Variants in STAM observed in about 807,000 individuals in gnomAD.
The protein encoded by STAM is signal transducing adapter molecule 1.
In STAM, 16 loss-of-function variants were observed where a neutral mutation model predicts 63.4. The ratio of observed to expected loss-of-function variants is 0.25; its 90% confidence interval spans 0.17 to 0.38. The LOEUF is 0.38. STAM is among the 10% of genes least tolerant of loss of function. The pLI is 1.00. For missense variants in STAM, 636 were observed against 657.1 expected (o/e 0.97, Z 0.35); for synonymous variants, 238 against 223.9 (o/e 1.06, Z -0.56).
At chr10:17,699,459 G>T (rs1239319966) in intron 8 of STAM, among the ~76,000 whole-genome samples, 2 of 152,176 alleles carry the variant, frequency 1.3e-5, no homozygotes, top group Non-Finnish European at 2.9e-5. Context: ...GTATTTGGAG[G>T]TTGTTATATA....
chr10:17,680,365 C>G (rs1467542913), intron 2 of STAM, among the ~76,000 whole-genome samples: 1 of 151,936 alleles, frequency 6.6e-6, no homozygotes, highest in Non-Finnish European at 1.5e-5. Context: ...CGCTGCTCCC[C>G]AGGCCCCCTG....
chr10:17,706,578 G>A (rs545429837), intron 12 of STAM, among the ~76,000 whole-genome samples: 14 of 151,726 alleles, frequency 9.2e-5, no homozygotes, highest in Middle Eastern at 6.8e-3. Context: ...ACGGGGTTTC[G>A]CCGTGTTAGC....
intron 2 of STAM, among the ~76,000 whole-genome samples, chr10:17,674,891 AC>A (rs1834782027): frequency 6.6e-6 from 1 of 152,222 alleles, no homozygotes; most frequent in African/African-American, 2.4e-5. Flanking sequence ...ATTCTAATAA[AC>A]AAAATTATAA....
chr10:17,688,676 T>C (rs1835402365), intron 5 of STAM, among the ~76,000 whole-genome samples: 1 of 151,966 alleles, frequency 6.6e-6, no homozygotes, highest in African/African-American at 2.4e-5. Context: ...TTGGCCAGGC[T>C]GGTTTCGAAC....
chr10:17,714,659 C>A lies in STAM; in HGVS notation c.1502C>A (p.Ala501Glu). The change falls in exon 14 of 14, where the codon GCA (alanine) becomes GAA (glutamate). Residue 501 changes from alanine to glutamate, a missense_variant. Coordinates refer to ENST00000377524, the MANE Select transcript of STAM (RefSeq NM_003473.4). ...GCCGATGTCACTCTGTACCAGAATGCAGGACCTAATATGCCCCAGGTGCCA... is the reference window on the plus strand; with the variant it reads ...GCCGATGTCACTCTGTACCAGAATGAAGGACCTAATATGCCCCAGGTGCCA... ...ATADVTLYQN[A>E]GPNMPQVPNY... 1 of 1,614,150 alleles carries A rather than the reference C, an allele frequency of 6.2e-7. No individual in the cohort carries two copies. The highest frequency in any genetic ancestry group is 8.5e-7 in the Non-Finnish European group (1 of 1,180,036).
In STAM at chr10:17,714,573, A is replaced by G. The variant is rs2131711774; in HGVS notation, c.1416A>G (p.Thr472=). The G allele has an allele frequency of 6.2e-7, 1 of 1,614,156 alleles. No individual in the cohort carries two copies. Among genetic ancestry groups the G allele is most frequent in the Non-Finnish European group, 8.5e-7 (1 of 1,180,038 alleles). Residue 472 remains threonine, a synonymous_variant, in exon 14 of 14, where the codon ACA becomes ACG. Transcript: ENST00000377524. ...NTMVSSVQGN[T]YPSQAPVYSP... ...TGGTCAGTTCCGTTCAAGGAAACAC[A>G]TATCCCAGCCAGGCGCCAGTATATA...
At chr10:17,688,693 C>G (rs996327239) in intron 5 of STAM, among the ~76,000 whole-genome samples, 2 of 151,830 alleles carry the variant, frequency 1.3e-5, no homozygotes, top group Non-Finnish European at 2.9e-5. Flanking sequence ...GAACTCCTGA[C>G]CTCAGGTGTT....
chr10:17,697,341 T>C (rs1835805762), intron 8 of STAM, among the ~76,000 whole-genome samples: 1 of 152,250 alleles, frequency 6.6e-6, no homozygotes, highest in South Asian at 2.1e-4. Flanking sequence ...TTGATTACAG[T>C]GTGACAAGTA....
In STAM at chr10:17,702,958, A is replaced by C. The variant is rs535034826; in HGVS notation, c.913-1473A>C. Among the ~76,000 whole-genome samples the C allele has an allele frequency of 2.0e-5, 3 of 146,948 alleles. No individual in the cohort carries two copies. The South Asian group carries it at 6.7e-4, about 33-fold the overall frequency. ...GGGAGGCGGAAGGTCGTAGTGAGCC[A>C]AGATCATGCCACTGCACTCCAGCCT... On this transcript the variant is annotated intron_variant, in intron 9 of 13. Coordinates refer to ENST00000377524, the MANE Select transcript of STAM (RefSeq NM_003473.4).
At chr10:17,684,448 G>T (rs896550951) in intron 2 of STAM, among the ~76,000 whole-genome samples, 1 of 151,348 alleles carries the variant, frequency 6.6e-6, no homozygotes, top group African/African-American at 2.4e-5. Context: ...CCCAGAATTA[G>T]CCTGAAATGC....
chr10:17,715,122 A>C lies in STAM; in HGVS notation c.*342A>C, dbSNP rs1554830722. Reference sequence around the variant, plus strand: ...ATGTTATGTACATATATTGATATGTAACTGCATTAGTGGCCATTTTGAATC... The same window carrying C: ...ATGTTATGTACATATATTGATATGTCACTGCATTAGTGGCCATTTTGAATC... On this transcript the variant is annotated 3_prime_UTR_variant, in exon 14 of 14. Coordinates refer to ENST00000377524, the MANE Select transcript of STAM (RefSeq NM_003473.4). The C allele has an allele frequency of 3.5e-6, 1 of 281,982 alleles. No individual in the cohort carries two copies. The highest frequency in any genetic ancestry group is 2.1e-5 in the African/African-American group (1 of 46,694). The allele number at this position is 281,982 out of a possible 1,614,324, so 17.5% of individuals were successfully genotyped here.
rs10673746 is a variant in STAM at position 17,666,387 on chromosome 10, A to ATTTTTTTT, written c.125+5857_125+5864dup. On this transcript the variant is annotated intron_variant, in intron 2 of 13. Transcript: ENST00000377524. ...TAAAAATGTTTTTCCTTGGCTTTGT[A>ATTTTTTTT]TTTTTTTTTTTTTTTTTTTTTTTTT... Among the ~76,000 whole-genome samples, 75 of 85,904 alleles carry ATTTTTTTT rather than the reference A, an allele frequency of 8.7e-4. 3 individuals are homozygous for ATTTTTTTT. Among genetic ancestry groups the ATTTTTTTT allele is most frequent in the African/African-American group, 3.2e-3 (64 of 19,972 alleles). 56.4% of individuals were successfully genotyped at this position (85,904 alleles called of 152,430 possible).
intron 2 of STAM, among the ~76,000 whole-genome samples, chr10:17,677,129 G>T (rs11595824): frequency 0.019 from 2,908 of 152,178 alleles, 30 homozygotes; most frequent in Middle Eastern, 0.027. Context: ...TCCTTTTAAT[G>T]GTTCAGTAGC....
intron 10 of STAM, among the ~76,000 whole-genome samples, chr10:17,704,722 C>T (rs1183753100): frequency 3.9e-5 from 6 of 152,108 alleles, no homozygotes; most frequent in South Asian, 4.1e-4. Context: ...GTGTTCTGTT[C>T]AACATTTTAG....
At chr10:17,653,536 C>T (rs1242728317) in intron 1 of STAM, among the ~76,000 whole-genome samples, 1 of 152,140 alleles carries the variant, frequency 6.6e-6, no homozygotes, top group African/African-American at 2.4e-5. Flanking sequence ...GATCTAGCTC[C>T]ATACAGGTGG....
chr10:17,714,291 A>G (rs1415205195), intron 13 of STAM, among the ~76,000 whole-genome samples: 4 of 151,788 alleles, frequency 2.6e-5, no homozygotes, highest in African/African-American at 9.7e-5. Context: ...CCATGGTGGT[A>G]TAGACTTATT....
At chr10:17,664,812 G>A (rs12774320) in intron 2 of STAM, among the ~76,000 whole-genome samples, 9 of 152,126 alleles carry the variant, frequency 5.9e-5, no homozygotes, top group African/African-American at 1.9e-4. Context: ...GCTATTTGGT[G>A]TTAGCCTGAA....
chr10:17,651,596 C>A (rs1554821562), intron 1 of STAM, among the ~76,000 whole-genome samples: 1 of 152,124 alleles, frequency 6.6e-6, no homozygotes, highest in Non-Finnish European at 1.5e-5. Context: ...TTTAGGTTAT[C>A]ATTTCTGTTT....
intron 2 of STAM, among the ~76,000 whole-genome samples, chr10:17,665,705 T>G (rs547851345): frequency 7.9e-5 from 12 of 152,014 alleles, no homozygotes; most frequent in Middle Eastern, 3.4e-3. Flanking sequence ...ATTAGTAATT[T>G]TTAGTAATTA....
Sources: gnomAD v4.1 joint callset for allele counts (sites outside exome capture counted in the v4.1 genomes callset) on GRCh38, gnomAD v4.1.1 for gene constraint, MANE v1.5 for transcripts, NCBI Gene and HGNC (gene_info 2026-07-23, HGNC 2026-07-21) for gene names.